The following PARD3 variants were observed in gnomAD, a reference collection of about 807,000 sequenced individuals.
PARD3 encodes the protein par-3 family cell polarity regulator, also known as partitioning defective 3 homolog.
Under a neutral mutation model 155.4 loss-of-function variants are expected in PARD3, and 75 were observed. That is an observed-to-expected ratio of 0.48 (90% CI 0.40 to 0.58). The LOEUF (loss-of-function observed/expected upper bound fraction) is 0.58. Among genes scored for constraint, PARD3 ranks in the 20% least tolerant of loss-of-function variants. PARD3 has a pLI of 0.00. For missense variants in PARD3, 1,642 were observed against 1,721.7 expected, an observed-to-expected ratio of 0.95 and a Z score of 0.82; for synonymous variants, 576 against 610.5, an observed-to-expected ratio of 0.94 and a Z score of 0.83.
Position 34,289,816 on chromosome 10 carries a change from TGAGATCACTGCTG to T in PARD3, c.3066-5584_3066-5572del, listed in dbSNP as rs1455447092. Among the ~76,000 whole-genome samples, 15 of 152,272 alleles carry T rather than the reference TGAGATCACTGCTG, an allele frequency of 9.9e-5. No individual in the cohort carries two copies. In the East Asian group the frequency reaches 2.9e-3, roughly 29 times the overall value. On this transcript the variant is annotated intron_variant, in intron 20 of 24. Coordinates refer to ENST00000374788, the MANE Select transcript of PARD3 (RefSeq NM_001184785.2). ...GGGTTTTACAATAATGCGTTACAAATGAGATCACTGCTGTCTGCCAGATCAGCCATATGTACCA... is the reference window on the plus strand; with the variant it reads ...GGGTTTTACAATAATGCGTTACAAATTCTGCCAGATCAGCCATATGTACCA...
intron 22 of PARD3, among the ~76,000 whole-genome samples, chr10:34,215,935 G>T (rs1446440229): frequency 6.6e-6 from 1 of 152,104 alleles, no homozygotes; most frequent in Admixed American, 6.5e-5. Flanking sequence ...TTTCTGTATT[G>T]TATACACTTT....
intron 3 of PARD3, among the ~76,000 whole-genome samples, chr10:34,474,519 A>G (rs530703160): frequency 6.6e-6 from 1 of 152,354 alleles, no homozygotes; most frequent in African/African-American, 2.4e-5. Flanking sequence ...ACACGCGTGC[A>G]CAAAGTTTAG....
chr10:34,503,925 T>C (rs560108453), intron 3 of PARD3, among the ~76,000 whole-genome samples: 1 of 152,218 alleles, frequency 6.6e-6, no homozygotes, highest in Non-Finnish European at 1.5e-5. Flanking sequence ...TATAGAGTTA[T>C]GAAAATCATT....
At position 34,627,170 on chromosome 10, in the gene PARD3, GGCA is replaced by G. The variant is rs113607837; in HGVS notation, c.222+69145_222+69147del. Among the ~76,000 whole-genome samples the G allele has an allele frequency of 2.0e-3, 306 of 152,172 alleles. 2 individuals are homozygous for G. Among genetic ancestry groups the G allele is most frequent in the African/African-American group, 7.1e-3 (294 of 41,512 alleles). On this transcript the variant is annotated intron_variant, in intron 2 of 24. Transcript: ENST00000374788. ...AGCCTCCCAAGTAGCTGGGACCACA[GGCA>G]TGTGCCACCACAACAAGATAATTTT...
chr10:34,609,368 C>G (rs1215634804), intron 2 of PARD3, among the ~76,000 whole-genome samples: 1 of 152,128 alleles, frequency 6.6e-6, no homozygotes, highest in African/African-American at 2.4e-5. Context: ...GTCTGTAGGG[C>G]AGGTTTTGTA....
chr10:34,221,852 CAA>C (rs1251835992), intron 22 of PARD3, among the ~76,000 whole-genome samples: 1 of 152,170 alleles, frequency 6.6e-6, no homozygotes, highest in Admixed American at 6.5e-5. Flanking sequence ...ATTCTATTGA[CAA>C]TGCAATACAC....
chr10:34,445,649 A>C (rs1291968295), intron 5 of PARD3, among the ~76,000 whole-genome samples: 1 of 152,284 alleles, frequency 6.6e-6, no homozygotes, highest in African/African-American at 2.4e-5. Flanking sequence ...CAAAATTACA[A>C]AGAATATACT....
At chr10:34,125,356 T>G (rs1455887569) in intron 23 of PARD3, among the ~76,000 whole-genome samples, 1 of 152,156 alleles carries the variant, frequency 6.6e-6, no homozygotes, top group Non-Finnish European at 1.5e-5. Flanking sequence ...TGAGCCACCG[T>G]GCCCGGCCCT....
At chr10:34,433,498 A>G (rs185391928) in intron 5 of PARD3, among the ~76,000 whole-genome samples, 1 of 152,336 alleles carries the variant, frequency 6.6e-6, no homozygotes, top group East Asian at 1.9e-4. Context: ...GAAGTTTATG[A>G]AAGTATTACT....
chr10:34,368,268 T>C (rs1023225237), intron 12 of PARD3, among the ~76,000 whole-genome samples: 18 of 152,070 alleles, frequency 1.2e-4, no homozygotes, highest in Admixed American at 6.5e-5. Context: ...AAGACAAATA[T>C]GATAAAGAAC....
intron 21 of PARD3, among the ~76,000 whole-genome samples, 178 bp downstream of exon 21, chr10:34,283,957 T>G (rs1474236786): frequency 6.8e-6 from 1 of 147,580 alleles, no homozygotes; most frequent in Non-Finnish European, 1.5e-5. Context: ...CATATAAGGT[T>G]TTTTTTTTTA....
chr10:34,343,760 A>C, intron 15 of PARD3: 1 of 985,028 alleles, frequency 1.0e-6, no homozygotes, highest in Non-Finnish European at 1.2e-6. Flanking sequence ...AGAAGGCTTC[A>C]ATTTATTTCT....
chr10:34,276,707 A>T (rs1955899376), intron 21 of PARD3, among the ~76,000 whole-genome samples: 1 of 152,146 alleles, frequency 6.6e-6, no homozygotes, highest in Non-Finnish European at 1.5e-5. Context: ...TGGTGTCCTT[A>T]AACCTCTCAG....
chr10:34,318,803 T>G (rs1050265388), intron 19 of PARD3, among the ~76,000 whole-genome samples: 3 of 152,150 alleles, frequency 2.0e-5, no homozygotes, highest in African/African-American at 7.2e-5. Flanking sequence ...TCTCGCTCTG[T>G]CGCCCAGGCT....
At chr10:34,618,261 C>A (rs955984160) in intron 2 of PARD3, among the ~76,000 whole-genome samples, 20 of 152,200 alleles carry the variant, frequency 1.3e-4, no homozygotes, top group Non-Finnish European at 2.6e-4. Context: ...ATAAAAAAGT[C>A]TTTTAACCTA....
chr10:34,681,728 TTTTATATATATA>T (rs1315441321), intron 2 of PARD3, among the ~76,000 whole-genome samples: 1 of 65,542 alleles, frequency 1.5e-5, no homozygotes, highest in African/African-American at 6.3e-5. Context: ...TACGTATGTA[TTTTATATATATA>T]TATATATATA....
intron 1 of PARD3, among the ~76,000 whole-genome samples, chr10:34,722,902 A>C (rs1323574491): frequency 6.6e-6 from 1 of 152,184 alleles, no homozygotes; most frequent in Non-Finnish European, 1.5e-5. Flanking sequence ...AAATGATGGA[A>C]TGGAAATAGT....
At chr10:34,639,988 TAGATAAA>T (rs2092618168) in intron 2 of PARD3, among the ~76,000 whole-genome samples, 1 of 152,162 alleles carries the variant, frequency 6.6e-6, no homozygotes, top group African/African-American at 2.4e-5. Context: ...CATACAAACA[TAGATAAA>T]AGACAGACAT....
At chr10:34,710,693 A>G (rs960777840) in intron 1 of PARD3, among the ~76,000 whole-genome samples, 1 of 152,156 alleles carries the variant, frequency 6.6e-6, no homozygotes, top group Non-Finnish European at 1.5e-5. Context: ...TCGATGTTCA[A>G]TTGTTCTGTT....
Sources: allele counts gnomAD v4.1 joint callset (sites outside exome capture counted in the v4.1 genomes callset), GRCh38; gene constraint gnomAD v4.1.1; transcripts MANE v1.5; gene names NCBI Gene and HGNC (gene_info 2026-07-23, HGNC 2026-07-21).